Variants in FTO observed in about 807,000 individuals in gnomAD.
The protein encoded by FTO is FTO alpha-ketoglutarate dependent dioxygenase, also known as alpha-ketoglutarate-dependent dioxygenase FTO.
Under a neutral mutation model 63.9 loss-of-function variants are expected in FTO, and 47 were observed. The ratio of observed to expected loss-of-function variants is 0.74; its 90% CI spans 0.58 to 0.94. The LOEUF is 0.94. FTO is among the 40% of genes least tolerant of loss of function. The pLI is 0.00. For missense variants in FTO, 562 were observed against 618.1 expected, an observed-to-expected ratio of 0.91 and a Z score of 0.96; for synonymous variants, 207 against 224.4, an observed-to-expected ratio of 0.92 and a Z score of 0.69.
At chr16:54,006,662 A>G (rs141725052) in intron 8 of FTO, among the ~76,000 whole-genome samples, 2 of 152,370 alleles carry the variant, frequency 1.3e-5, no homozygotes, top group Non-Finnish European at 2.9e-5. Flanking sequence ...CAAAACTCTT[A>G]TGCCACTAGT....
intron 7 of FTO, among the ~76,000 whole-genome samples, chr16:53,908,617 A>G (rs2081599316): frequency 1.3e-5 from 2 of 152,082 alleles, no homozygotes; most frequent in African/African-American, 2.4e-5. Context: ...ACAAATCAGT[A>G]CCTGTCATGG....
intron 8 of FTO, chr16:54,070,047 T>C (rs1446024716): frequency 2.6e-5 from 4 of 152,102 alleles, no homozygotes; most frequent in African/African-American, 9.7e-5. Flanking sequence ...TCTCATTAAA[T>C]GAGATAGTGT....
At chr16:53,860,994 G>T (rs536840103) in intron 4 of FTO, among the ~76,000 whole-genome samples, 166 of 151,728 alleles carry the variant, frequency 1.1e-3, no homozygotes, top group African/African-American at 3.7e-3. Context: ...ATATTAAAAC[G>T]TTACATTTTA....
At chr16:53,869,464 G>A (rs754836124) in intron 4 of FTO, among the ~76,000 whole-genome samples, 2 of 147,964 alleles carry the variant, frequency 1.4e-5, no homozygotes, top group African/African-American at 2.5e-5. Flanking sequence ...ATTTTCTTCT[G>A]TTCCTTTCCC....
intron 4 of FTO, among the ~76,000 whole-genome samples, chr16:53,859,545 AATG>A (rs1475005587): frequency 6.7e-6 from 1 of 148,982 alleles, no homozygotes; most frequent in Non-Finnish European, 1.5e-5. Flanking sequence ...AATATATTTT[AATG>A]ATATTTATAT....
intron 7 of FTO, among the ~76,000 whole-genome samples, chr16:53,925,071 A>T (rs1028948144): frequency 1.7e-4 from 22 of 130,164 alleles, no homozygotes; most frequent in African/African-American, 6.4e-4. Context: ...TTTTTTTGTA[A>T]AAAAAAAAAA....
intron 8 of FTO, among the ~76,000 whole-genome samples, chr16:54,076,900 C>T (rs1394466550): frequency 6.6e-6 from 1 of 152,130 alleles, no homozygotes; most frequent in African/African-American, 2.4e-5. Context: ...AACGATGAGG[C>T]ATAACCACCA....
chr16:53,823,439 T>A (rs1598750711), intron 2 of FTO, among the ~76,000 whole-genome samples: 1 of 152,040 alleles, frequency 6.6e-6, no homozygotes, highest in African/African-American at 2.4e-5. Flanking sequence ...ACTCCCACAT[T>A]GCGTTCCTCT....
intron 1 of FTO, among the ~76,000 whole-genome samples, chr16:53,779,579 G>T (rs1393910736): frequency 6.6e-6 from 1 of 152,170 alleles, no homozygotes; most frequent in Non-Finnish European, 1.5e-5. Context: ...CAGAGATGCC[G>T]AAGACTCATT....
At chr16:53,721,629 T>C (rs2076044197) in intron 1 of FTO, among the ~76,000 whole-genome samples, 1 of 152,198 alleles carries the variant, frequency 6.6e-6, no homozygotes, top group Admixed American at 6.5e-5. Context: ...CCATGTTCTT[T>C]GGGGAAATAA....
chr16:53,871,482 AC>A (rs745664236), intron 4 of FTO, among the ~76,000 whole-genome samples: 7 of 152,060 alleles, frequency 4.6e-5, no homozygotes, highest in Non-Finnish European at 1.0e-4. Context: ...TGCATGTTTA[AC>A]CTTTAGAAGC....
intron 8 of FTO, among the ~76,000 whole-genome samples, chr16:54,067,473 C>T (rs184265437): frequency 3.9e-5 from 6 of 152,310 alleles, no homozygotes; most frequent in Admixed American, 2.0e-4. Flanking sequence ...GGTTAGTTTA[C>T]GCAGTGCATA....
chr16:53,930,527 A>AC (rs2082257085), intron 7 of FTO, among the ~76,000 whole-genome samples: 5 of 152,034 alleles, frequency 3.3e-5, no homozygotes, highest in Non-Finnish European at 2.9e-5. Flanking sequence ...CAGGCCAATT[A>AC]TCTTCTCATT....
chr16:54,111,412 C>T (rs1445887216), intron 8 of FTO, among the ~76,000 whole-genome samples: 2 of 152,122 alleles, frequency 1.3e-5, no homozygotes, highest in Non-Finnish European at 2.9e-5. Context: ...ACATTTAAAT[C>T]TGATAATGGC....
intron 4 of FTO, among the ~76,000 whole-genome samples, chr16:53,865,298 G>T (rs1373019697): frequency 6.6e-6 from 1 of 152,118 alleles, no homozygotes; most frequent in East Asian, 1.9e-4. Context: ...AACCAAAACT[G>T]CTCAGGAATG....
rs990399992 is a variant in FTO at position 53,893,736 on chromosome 16, G to A, written c.1239+4785G>A. On this transcript the variant is annotated intron_variant, in intron 7 of 8. Coordinates refer to ENST00000471389, the MANE Select transcript of FTO (RefSeq NM_001080432.3). ...AATCGTTTCCAGAGTAAACATTTTCGAAAGTAGTGATGATTTCGATACTGG... is the reference window on the plus strand; with the variant it reads ...AATCGTTTCCAGAGTAAACATTTTCAAAAGTAGTGATGATTTCGATACTGG... Among the ~76,000 whole-genome samples the A allele has an allele frequency of 2.0e-5, 3 of 151,374 alleles. No individual in the cohort carries two copies. The East Asian group carries it at 5.8e-4, about 29-fold the overall frequency.
chr16:54,069,210 G>A (rs545159111), intron 8 of FTO, among the ~76,000 whole-genome samples: 2 of 152,042 alleles, frequency 1.3e-5, no homozygotes, highest in African/African-American at 4.8e-5. Flanking sequence ...TCAGGATTTG[G>A]CACACTCGGC....
chr16:53,790,066 TTGTAATATATACGTATATATTACTATATG>T (rs1189088087), intron 1 of FTO, among the ~76,000 whole-genome samples: 2 of 149,982 alleles, frequency 1.3e-5, no homozygotes, highest in African/African-American at 2.4e-5. Flanking sequence ...CATATACATT[TTGTAATATATACGTATATATTACTATATG>T]TATTTTTAAT....
chr16:53,728,757 C>A (rs956545955), intron 1 of FTO, among the ~76,000 whole-genome samples: 22 of 143,488 alleles, frequency 1.5e-4, no homozygotes, highest in African/African-American at 5.6e-4. Flanking sequence ...AAAAGGGGAC[C>A]ATACTTCTTT....
Sources: allele counts gnomAD v4.1 joint callset (sites outside exome capture counted in the v4.1 genomes callset), GRCh38; gene constraint gnomAD v4.1.1; transcripts MANE v1.5; gene names NCBI Gene and HGNC (gene_info 2026-07-23, HGNC 2026-07-21).